PRR16: variants seen among roughly 807,000 people sequenced by gnomAD.
The protein encoded by PRR16 is proline rich 16.
A neutral mutation model predicts 18.2 loss-of-function variants in PRR16; 6 were observed. The ratio of observed to expected loss-of-function variants is 0.33; its 90% CI spans 0.18 to 0.65. The LOEUF is 0.65. PRR16 is among the 30% of genes least tolerant of loss of function. PRR16 has a pLI of 0.74. For missense variants in PRR16, 412 were observed against 376.6 expected, an observed-to-expected ratio of 1.09 and a Z score of -0.78; for synonymous variants, 151 against 147.8, an observed-to-expected ratio of 1.02 and a Z score of -0.16.
At chr5:120,718,451 C>T in the PRR16 span, among the ~76,000 whole-genome samples, 1 of 151,984 alleles carries the variant, frequency 6.6e-6, no homozygotes, top group Non-Finnish European at 1.5e-5. Context: ...AGTCATTGCC[C>T]CTGTTATAGA....
At chr5:120,482,738 C>T (rs776249100) in intron 1 of PRR16, among the ~76,000 whole-genome samples, 6 of 152,100 alleles carry the variant, frequency 3.9e-5, no homozygotes, top group African/African-American at 4.8e-5. Context: ...TAATTTATAG[C>T]TCCATCAGAG....
At chr5:120,649,799 A>G (rs940089624) in intron 1 of PRR16, among the ~76,000 whole-genome samples, 1 of 152,250 alleles carries the variant, frequency 6.6e-6, no homozygotes, top group South Asian at 2.1e-4. Flanking sequence ...GATAAAAATG[A>G]TGGTAGTATC....
intron 1 of PRR16, among the ~76,000 whole-genome samples, chr5:120,559,899 G>C (rs1016873803): frequency 9.9e-5 from 15 of 151,440 alleles, no homozygotes; most frequent in Admixed American, 5.9e-4. Flanking sequence ...CTTTATGTAT[G>C]GCTATTGTAA....
chr5:120,623,103 C>T (rs1754745038), intron 1 of PRR16, among the ~76,000 whole-genome samples: 2 of 151,764 alleles, frequency 1.3e-5, no homozygotes, highest in African/African-American at 2.4e-5. Context: ...AATATACCAC[C>T]ACTTGAAAAT....
At chr5:120,783,130 A>G in the PRR16 span, among the ~76,000 whole-genome samples, 1 of 152,224 alleles carries the variant, frequency 6.6e-6, no homozygotes, top group East Asian at 1.9e-4. Context: ...AAAATGTCAT[A>G]TATAATTCAT....
chr5:120,549,526 C>A (rs1367337908), intron 1 of PRR16, among the ~76,000 whole-genome samples: 6 of 151,928 alleles, frequency 3.9e-5, no homozygotes, highest in Non-Finnish European at 7.4e-5. Context: ...TTGTAAGACC[C>A]TTCTTTATCT....
At position 120,644,470 on chromosome 5, in the gene PRR16, A is replaced by G. The variant is rs139105010; in HGVS notation, c.160-41484A>G. Among the ~76,000 whole-genome samples, 24 of 152,230 alleles carry G rather than the reference A, an allele frequency of 1.6e-4. No homozygotes were observed. In the East Asian group the frequency reaches 2.5e-3, roughly 16 times the overall value. ...AAAGAACCTCATGGGATTTGGAAAT[A>G]TATTGGGAAGATACATGGTGAAGGT... On this transcript the variant is annotated intron_variant, in intron 1 of 1. Transcript: ENST00000407149.
At chr5:120,550,130 A>C (rs1395520553) in intron 1 of PRR16, among the ~76,000 whole-genome samples, 3 of 152,040 alleles carry the variant, frequency 2.0e-5, no homozygotes, top group Non-Finnish European at 4.4e-5. Flanking sequence ...TTGCACAGGA[A>C]GTCCCATAGC....
chr5:120,693,874 T>G, the PRR16 span, among the ~76,000 whole-genome samples: 1 of 152,272 alleles, frequency 6.6e-6, no homozygotes, highest in Non-Finnish European at 1.5e-5. Context: ...TGCTTAATTT[T>G]ATCTAATCCT....
chr5:120,585,773 C>T lies in PRR16; in HGVS notation c.160-100181C>T, dbSNP rs566250594. ...CTTCAAGTTAGCATTTCAAGCTGAA[C>T]GTATGTGTTTCAGGTACATTTCCTG... On this transcript the variant is annotated intron_variant, in intron 1 of 1. Coordinates refer to ENST00000407149, the MANE Select transcript of PRR16 (RefSeq NM_001300783.2). Among the ~76,000 whole-genome samples, 5 of 151,952 alleles carry T rather than the reference C, an allele frequency of 3.3e-5. No homozygotes were observed. In the South Asian group the frequency reaches 8.3e-4, roughly 25 times the overall value.
At chr5:120,794,537 G>A in the PRR16 span, among the ~76,000 whole-genome samples, 3 of 152,004 alleles carry the variant, frequency 2.0e-5, no homozygotes, top group Non-Finnish European at 4.4e-5. Flanking sequence ...CAAGGATGAC[G>A]CCCATATAAG....
intron 1 of PRR16, among the ~76,000 whole-genome samples, chr5:120,570,055 A>G (rs540538914): frequency 5.9e-5 from 9 of 152,268 alleles, no homozygotes; most frequent in African/African-American, 2.2e-4. Context: ...GTTTCTTGAC[A>G]CTGTGTCCCC....
At chr5:120,755,384 T>G in the PRR16 span, among the ~76,000 whole-genome samples, 22 of 152,174 alleles carry the variant, frequency 1.4e-4, no homozygotes, top group African/African-American at 5.3e-4. Context: ...CTTATCTTTT[T>G]CATTCCTTCC....
chr5:120,737,327 T>G, the PRR16 span, among the ~76,000 whole-genome samples: 1 of 139,080 alleles, frequency 7.2e-6, no homozygotes, highest in South Asian at 2.3e-4. Context: ...TTTTTTTTTT[T>G]TTTTTTTTTT....
chr5:120,583,477 G>A (rs1338818816), intron 1 of PRR16, among the ~76,000 whole-genome samples: 1 of 152,092 alleles, frequency 6.6e-6, no homozygotes, highest in Non-Finnish European at 1.5e-5. Flanking sequence ...CTTGGTAGGG[G>A]TTAGGCCAGC....
At chr5:120,705,765 CT>C in the PRR16 span, among the ~76,000 whole-genome samples, 1 of 152,058 alleles carries the variant, frequency 6.6e-6, no homozygotes, top group Non-Finnish European at 1.5e-5. Context: ...TCACAATGCT[CT>C]TCTCTGACTC....
At chr5:120,583,347 G>C (rs1199771319) in intron 1 of PRR16, among the ~76,000 whole-genome samples, 1 of 138,568 alleles carries the variant, frequency 7.2e-6, no homozygotes, top group African/African-American at 2.6e-5. Flanking sequence ...GTGTGTGTGT[G>C]TGCAAGTAAT....
At chr5:120,574,529 G>T (rs1044332537) in intron 1 of PRR16, among the ~76,000 whole-genome samples, 1 of 149,876 alleles carries the variant, frequency 6.7e-6, no homozygotes, top group Middle Eastern at 3.4e-3. Context: ...ACTTGAACCC[G>T]AGAGGCAGAG....
intron 1 of PRR16, among the ~76,000 whole-genome samples, chr5:120,665,380 G>A (rs1465490635): frequency 6.6e-6 from 1 of 151,902 alleles, no homozygotes; most frequent in Non-Finnish European, 1.5e-5. Flanking sequence ...TGAGTAGGTT[G>A]TGAAAATTTT....
Sources: allele counts gnomAD v4.1 joint callset (sites outside exome capture counted in the v4.1 genomes callset), GRCh38; gene constraint gnomAD v4.1.1; transcripts MANE v1.5; gene names NCBI Gene and HGNC (gene_info 2026-07-23, HGNC 2026-07-21).